The following ACCSL variants were observed in gnomAD, a reference collection of about 807,000 sequenced individuals.
The protein encoded by ACCSL is probable inactive 1-aminocyclopropane-1-carboxylate synthase-like protein 2.
Under a neutral mutation model 61.7 loss-of-function variants are expected in ACCSL, and 55 were observed. That is an observed-to-expected ratio of 0.89 (90% CI 0.72 to 1.12). The LOEUF (loss-of-function observed/expected upper bound fraction) is 1.12. Among genes scored for constraint, ACCSL ranks in the 50% most tolerant of loss-of-function variants. The probability of loss-of-function intolerance (pLI) is 0.00; values close to 1 mark genes in which losing one functional copy is unlikely to be tolerated. For synonymous variants in ACCSL, 258 were observed against 264.3 expected (o/e 0.98, Z 0.23); for missense variants, 632 against 698.0 (o/e 0.91, Z 1.07).
At chr11:43,925,315 CTG>C in the ACCSL span, 1 of 454,140 alleles carries the variant, frequency 2.2e-6, no homozygotes, top group East Asian at 7.0e-5. Context: ...TTCTGCCACT[CTG>C]AGAGGCCTGG....
chr11:43,956,070 C>T, the ACCSL span, among the ~76,000 whole-genome samples: 2 of 140,402 alleles, frequency 1.4e-5, no homozygotes, highest in African/African-American at 5.3e-5. Flanking sequence ...TGTGCAGCCA[C>T]ATGATGAAAG....
Position 44,053,380 on chromosome 11 carries a change from C to T in ACCSL, c.949-26C>T, listed in dbSNP as rs754435890. 6 of 1,602,568 alleles carry T rather than the reference C, an allele frequency of 3.7e-6. No individual in the cohort carries two copies. In the Admixed American group the frequency reaches 1.0e-4, roughly 27 times the overall value. ...GGTAGATGCTAAGGACTTGTATTCA[C>T]TCAGTTATATTTGGGTTTTTCTTAG... On this transcript the variant is annotated intron_variant, in intron 7 of 13. Transcript: ENST00000378832.
At chr11:44,006,355 G>A in the ACCSL span, among the ~76,000 whole-genome samples, 1 of 152,168 alleles carries the variant, frequency 6.6e-6, no homozygotes. Flanking sequence ...AGCTCTGGGT[G>A]CTAGCTGGAT....
the ACCSL span, among the ~76,000 whole-genome samples, chr11:44,025,063 T>C: frequency 6.6e-6 from 1 of 152,174 alleles, no homozygotes. Context: ...TTTCAATCTG[T>C]TTATGTGTTT....
chr11:44,051,065 T>C (rs1952634861), intron 3 of ACCSL, among the ~76,000 whole-genome samples: 1 of 152,098 alleles, frequency 6.6e-6, no homozygotes, highest in Non-Finnish European at 1.5e-5. Flanking sequence ...TTGGTCTTGA[T>C]CTCCTGACCT....
chr11:43,987,761 C>T, the ACCSL span, among the ~76,000 whole-genome samples: 5 of 152,236 alleles, frequency 3.3e-5, no homozygotes, highest in Admixed American at 2.6e-4. Flanking sequence ...CAACACAGCC[C>T]GAATCTCTTC....
At chr11:44,049,531 G>A (rs761524010) in intron 1 of ACCSL, among the ~76,000 whole-genome samples, 1 of 151,856 alleles carries the variant, frequency 6.6e-6, no homozygotes, top group Admixed American at 6.6e-5. Flanking sequence ...AGAGGGTGGA[G>A]GGTGACATTA....
chr11:43,984,823 G>C, the ACCSL span, among the ~76,000 whole-genome samples: 1 of 152,266 alleles, frequency 6.6e-6, no homozygotes, highest in Non-Finnish European at 1.5e-5. Context: ...ATTGTTCTAA[G>C]GGTCTAGATG....
At chr11:43,967,482 G>C in the ACCSL span, among the ~76,000 whole-genome samples, 1 of 151,800 alleles carries the variant, frequency 6.6e-6, no homozygotes, top group Admixed American at 6.6e-5. Context: ...CCCGGCCTCA[G>C]TTCTTCCAGT....
At chr11:43,936,646 C>T in the ACCSL span, among the ~76,000 whole-genome samples, 2 of 152,180 alleles carry the variant, frequency 1.3e-5, no homozygotes, top group Admixed American at 6.5e-5. Context: ...GAGTCCATGG[C>T]GGCACTTAGG....
the ACCSL span, chr11:43,943,994 C>A: frequency 1.6e-6 from 1 of 609,692 alleles, no homozygotes; most frequent in Non-Finnish European, 2.4e-6. The surrounding 1 kb of genome is among the most constrained non-coding windows in gnomAD (Gnocchi z 4.8). Context: ...GGGAGTGGAG[C>A]TACCTCCACA....
the ACCSL span, chr11:44,001,068 A>G: frequency 6.6e-6 from 1 of 152,154 alleles, no homozygotes; most frequent in Non-Finnish European, 1.5e-5. Flanking sequence ...ATTGTTATTC[A>G]TGCATTTGCT....
chr11:44,048,494 A>G lies in ACCSL; in HGVS notation c.458A>G (p.Tyr153Cys), dbSNP rs750566975. Residue 153 changes from tyrosine to cysteine, a missense_variant, in exon 1 of 14, where the codon TAC becomes TGC. By Grantham distance (194) the Tyr-to-Cys change is radical. Coordinates refer to ENST00000378832, the MANE Select transcript of ACCSL (RefSeq NM_001031854.2). ...TTTTATCAGTCGAGCTTCCAGGACT[A>G]CAATGCCTACCAAAAAGATAAATAT... The part of the protein sequence containing the change: ...SVFYQSSFQD[Y>C]NAYQKDKYHK... The G allele has an allele frequency of 1.9e-6, 3 of 1,602,312 alleles. No individual in the cohort carries two copies. In the East Asian group the frequency reaches 6.8e-5, roughly 36 times the overall value.
At chr11:43,966,411 G>A in the ACCSL span, among the ~76,000 whole-genome samples, 4,696 of 146,824 alleles carry the variant, frequency 0.032, 275 homozygotes, top group African/African-American at 0.11. Context: ...GGGCAACAGA[G>A]GGAGACTCTG....
chr11:44,020,290 C>T, the ACCSL span, among the ~76,000 whole-genome samples: 1 of 136,244 alleles, frequency 7.3e-6, no homozygotes, highest in Non-Finnish European at 1.6e-5. Context: ...TAGTTTTACT[C>T]CTTTTTTTTC....
the ACCSL span, among the ~76,000 whole-genome samples, chr11:43,981,123 C>T: frequency 7.7e-6 from 1 of 130,694 alleles, no homozygotes; most frequent in East Asian, 2.4e-4. Flanking sequence ...AAACAAAAAC[C>T]AGTACAGATT....
chr11:44,038,518 G>A, the ACCSL span, among the ~76,000 whole-genome samples: 1 of 152,172 alleles, frequency 6.6e-6, no homozygotes, highest in African/African-American at 2.4e-5. Context: ...TTCCAGTGGA[G>A]AGGCAGCATG....
chr11:44,004,433 A>G, the ACCSL span, among the ~76,000 whole-genome samples: 1 of 151,616 alleles, frequency 6.6e-6, no homozygotes, highest in Non-Finnish European at 1.5e-5. Context: ...CCAAAATTTG[A>G]GCTCCAGTTG....
chr11:43,921,946 T>G, the ACCSL span, among the ~76,000 whole-genome samples: 10 of 152,216 alleles, frequency 6.6e-5, no homozygotes, highest in Non-Finnish European at 1.3e-4. Flanking sequence ...GGTGTAGGCA[T>G]GGACAGGAAT....
Sources: gnomAD v4.1 joint callset for allele counts (sites outside exome capture counted in the v4.1 genomes callset) on GRCh38, gnomAD v4.1.1 for gene constraint, Gnocchi (gnomAD v3.1) non-coding constraint, MANE v1.5 for transcripts, NCBI Gene and HGNC (gene_info 2026-07-23, HGNC 2026-07-21) for gene names.